TACC1: variants seen among roughly 807,000 people sequenced by gnomAD.
TACC1 encodes transforming acidic coiled-coil containing protein 1, also known as transforming acidic coiled-coil-containing protein 1.
Under a neutral mutation model 84.4 loss-of-function variants are expected in TACC1, and 48 were observed. The ratio of observed to expected loss-of-function variants is 0.57; its 90% CI spans 0.45 to 0.72. TACC1 has a LOEUF of 0.72. TACC1 is among the 30% of genes least tolerant of loss of function. The pLI, the probability that TACC1 is intolerant of heterozygous loss-of-function variation, is 0.00. For missense variants in TACC1, 920 were observed against 973.0 expected, an observed-to-expected ratio of 0.95 and a Z score of 0.72; for synonymous variants, 372 against 376.3, an observed-to-expected ratio of 0.99 and a Z score of 0.13.
intron 6 of TACC1, 36 bp downstream of exon 6, chr8:38,831,213 G>C: frequency 6.2e-7 from 1 of 1,610,478 alleles, no homozygotes; most frequent in Non-Finnish European, 8.5e-7. Context: ...GGTGGACTCA[G>C]GTTTCTTTCA....
In TACC1 at chr8:38,827,577, G is replaced by A. The variant is rs1828380610; in HGVS notation, c.1660+202G>A. The A allele has an allele frequency of 5.0e-6, 3 of 598,354 alleles. No individual in the cohort carries two copies. The South Asian group carries it at 6.0e-5, about 12-fold the overall frequency. The allele number at this position is 598,354 out of a possible 1,614,324, so 37.1% of individuals were successfully genotyped here. A position where few individuals can be genotyped will look rare whatever the true frequency, so the allele number is the denominator to read the frequency against. On this transcript the variant is annotated intron_variant, in intron 5 of 12. Transcript: ENST00000317827. ...AAGTACTAGGAACGTAGAGATACTTGTGACAAGTTGTATAGGAGATGCTGA... is the reference window on the plus strand; with the variant it reads ...AAGTACTAGGAACGTAGAGATACTTATGACAAGTTGTATAGGAGATGCTGA...
intron 2 of TACC1, among the ~76,000 whole-genome samples, chr8:38,792,915 G>A (rs1246830409): frequency 6.6e-6 from 1 of 152,110 alleles, no homozygotes; most frequent in Non-Finnish European, 1.5e-5. Flanking sequence ...GTTTGCATGT[G>A]TGTTTATGGA....
chr8:38,830,625 G>C (rs983876666), intron 5 of TACC1, among the ~76,000 whole-genome samples: 1 of 146,098 alleles, frequency 6.8e-6, no homozygotes, highest in African/African-American at 2.4e-5. Flanking sequence ...ATAGACCTGA[G>C]ACAAGGAAGC....
chr8:38,790,664 A>C (rs1215942951), intron 2 of TACC1, among the ~76,000 whole-genome samples: 1 of 152,238 alleles, frequency 6.6e-6, no homozygotes, highest in Non-Finnish European at 1.5e-5. Context: ...TAGGTTGCCT[A>C]GGGAAGTCAA....
Position 38,787,640 on chromosome 8 carries a change from TC to T in TACC1, c.59del (p.Ser20LeufsTer32). On this transcript the variant is annotated frameshift_variant, in exon 1 of 13. Coordinates refer to ENST00000317827, the MANE Select transcript of TACC1 (RefSeq NM_006283.3). LOFTEE classifies it high-confidence loss of function. ...SPVQWAKWTWSAVRGGAAGED... is the reference protein window; with the variant it reads ...SPVQWAKWTWXAVRGGAAGED... ...CGTGCAGTGGGCGAAATGGACGTGGTCTGCGGTACGCGGCGGGGCCGCCGGC... is the reference window on the plus strand; with the variant it reads ...CGTGCAGTGGGCGAAATGGACGTGGTTGCGGTACGCGGCGGGGCCGCCGGC... 6.5e-7 allele frequency: 1 copy of T among 1,550,366 alleles called. No individual in the cohort carries two copies.
intron 2 of TACC1, among the ~76,000 whole-genome samples, chr8:38,743,502 A>G (rs1807484799): frequency 1.3e-5 from 2 of 152,140 alleles, no homozygotes; most frequent in South Asian, 4.1e-4. Context: ...GGTTAGGGCT[A>G]GTTTACAGAG....
intron 2 of TACC1, among the ~76,000 whole-genome samples, chr8:38,812,844 C>T (rs1214850414): frequency 2.0e-5 from 3 of 152,306 alleles, no homozygotes; most frequent in Middle Eastern, 3.4e-3. Context: ...ACAGAGCCCT[C>T]CTCTTTTTTG....
chr8:38,791,757 G>T (rs540899037), intron 2 of TACC1, among the ~76,000 whole-genome samples: 57 of 152,300 alleles, frequency 3.7e-4, no homozygotes, highest in Non-Finnish European at 5.9e-4. Context: ...CATTCTGGAA[G>T]AATGATTTAC....
Position 38,741,802 on chromosome 8 carries a change from C to A in TACC1, c.-674-549C>A, listed in dbSNP as rs188116521. 3.0e-4 allele frequency among the ~76,000 whole-genome samples: 46 copies of A among 152,162 alleles called. No homozygotes were observed. In the East Asian group the frequency reaches 8.9e-3, roughly 29 times the overall value. On this transcript the variant is annotated intron_variant, in intron 1 of 14. Coordinates refer to the TACC1 transcript ENST00000518415. Reference sequence around the variant, plus strand: ...AGTCAATATTCCAAGAAGATACTTGCGGTTACTGGGTCCAAGATGTTTGAA... The same window carrying A: ...AGTCAATATTCCAAGAAGATACTTGAGGTTACTGGGTCCAAGATGTTTGAA...
At chr8:38,825,276 A>G (rs750222295) in intron 3 of TACC1, 32 bp from the exon 4 acceptor site, 15 of 1,613,448 alleles carry the variant, frequency 9.3e-6, no homozygotes, top group East Asian at 8.9e-5. Flanking sequence ...TGTGATTGCA[A>G]ACTGGCTTGT....
intron 7 of TACC1, among the ~76,000 whole-genome samples, chr8:38,837,338 G>C (rs1227131386): frequency 1.3e-5 from 2 of 151,828 alleles, no homozygotes; most frequent in Non-Finnish European, 2.9e-5. Context: ...TGGGAGAATC[G>C]CTTGAACCTG....
At chr8:38,801,082 C>A (rs1394956297) in intron 2 of TACC1, among the ~76,000 whole-genome samples, 1 of 152,166 alleles carries the variant, frequency 6.6e-6, no homozygotes, top group Non-Finnish European at 1.5e-5. Flanking sequence ...ATTCTTTCCC[C>A]ACTTTTTAAT....
At chr8:38,804,672 A>G (rs559905461) in intron 2 of TACC1, among the ~76,000 whole-genome samples, 1 of 152,110 alleles carries the variant, frequency 6.6e-6, no homozygotes, top group East Asian at 1.9e-4. Flanking sequence ...GCACTATCAC[A>G]GCTCACTGCA....
intron 3 of TACC1, among the ~76,000 whole-genome samples, chr8:38,760,441 G>A (rs1810990145): frequency 1.3e-5 from 2 of 152,234 alleles, no homozygotes; most frequent in Non-Finnish European, 2.9e-5. Flanking sequence ...AGATCACTTA[G>A]GAGGTTAGTT....
chr8:38,772,687 C>T (rs1452615832), intron 3 of TACC1, among the ~76,000 whole-genome samples: 1 of 152,020 alleles, frequency 6.6e-6, no homozygotes, highest in Non-Finnish European at 1.5e-5. Flanking sequence ...ATACTCACCT[C>T]TAGCAAAAGA....
At chr8:38,845,295 AAGC>A (rs1371193289) in intron 11 of TACC1, among the ~76,000 whole-genome samples, 1 of 152,210 alleles carries the variant, frequency 6.6e-6, no homozygotes, top group Non-Finnish European at 1.5e-5. Context: ...CTATCTGTAG[AAGC>A]AGAAGTTCCC....
At position 38,852,402 on chromosome 8, in the gene TACC1, A is replaced by G. The variant is rs1035522842; in HGVS notation, c.*4379A>G. ...TGTGGCCTGAACCTTCCCTGTATCG[A>G]TCCTTTAATTTAGAACTGTCAAGAT... On this transcript the variant is annotated 3_prime_UTR_variant, in exon 13 of 13. Transcript: ENST00000317827. 6.5e-6 allele frequency: 1 copy of G among 153,986 alleles called. No homozygotes were observed. The allele number at this position is 153,986 out of a possible 1,614,324, so 9.5% of individuals were successfully genotyped here. A position where few individuals can be genotyped will look rare whatever the true frequency, so the allele number is the denominator to read the frequency against.
chr8:38,793,171 T>G (rs1819155677), intron 2 of TACC1, among the ~76,000 whole-genome samples: 1 of 152,186 alleles, frequency 6.6e-6, no homozygotes, highest in Non-Finnish European at 1.5e-5. Flanking sequence ...CCTAGGTATT[T>G]CAAACACAAA....
At chr8:38,752,666 G>A (rs1809262254) in intron 3 of TACC1, among the ~76,000 whole-genome samples, 3 of 152,120 alleles carry the variant, frequency 2.0e-5, no homozygotes. Flanking sequence ...GCAGCCCACT[G>A]ACCCAGAGAC....
Sources: gnomAD v4.1 joint callset for allele counts (sites outside exome capture counted in the v4.1 genomes callset) on GRCh38, gnomAD v4.1.1 for gene constraint, MANE v1.5 for transcripts, NCBI Gene and HGNC (gene_info 2026-07-23, HGNC 2026-07-21) for gene names.